Variants in DAB1 observed in about 807,000 individuals in gnomAD.
DAB1 encodes DAB adaptor protein 1, also known as disabled homolog 1.
In DAB1, 15 loss-of-function variants were observed where a neutral mutation model predicts 64.6. The observed-to-expected ratio is 0.23, with a 90% CI of 0.16 to 0.36. DAB1 has a LOEUF of 0.36. Ranked by LOEUF, DAB1 falls within the 10% of genes least tolerant of loss-of-function variation. The pLI is 1.00. For missense variants in DAB1, 596 were observed against 706.7 expected (o/e 0.84, Z 1.78); for synonymous variants, 235 against 251.9 (o/e 0.93, Z 0.64).
At chr1:57,053,225 G>A (rs1045736070) in intron 9 of DAB1, among the ~76,000 whole-genome samples, 3 of 152,026 alleles carry the variant, frequency 2.0e-5, no homozygotes, top group Non-Finnish European at 4.4e-5. Flanking sequence ...TTTCAATTTC[G>A]GAATCCATGT....
intron 4 of DAB1, among the ~76,000 whole-genome samples, chr1:58,300,616 G>A (rs865797957): frequency 0.018 from 783 of 43,762 alleles, 10 homozygotes; most frequent in Middle Eastern, 0.04. Context: ...AAGAAAGAGA[G>A]AGAGAGAGAG....
chr1:57,741,505 G>T (rs116051759), intron 6 of DAB1, among the ~76,000 whole-genome samples: 1 of 152,082 alleles, frequency 6.6e-6, no homozygotes, highest in African/African-American at 2.4e-5. Context: ...ATACCATACT[G>T]CCTCTCAAAG....
intron 5 of DAB1, among the ~76,000 whole-genome samples, chr1:58,093,488 A>G (rs1262294344): frequency 1.3e-5 from 2 of 151,904 alleles, no homozygotes; most frequent in Non-Finnish European, 1.5e-5. Context: ...CATGAACCCT[A>G]TTGTGAACTG....
rs138152451 is a variant in DAB1 at position 57,931,660 on chromosome 1, T to C, written n.388-47498A>G. Reference sequence around the variant, plus strand: ...CAGAATTCTTCCTAGTATTCTGTTGTTATCCTTTTAATGTCCATGGGATTC... The same window carrying C: ...CAGAATTCTTCCTAGTATTCTGTTGCTATCCTTTTAATGTCCATGGGATTC... On this transcript the variant is annotated intron_variant and non_coding_transcript_variant, in intron 5 of 20. Coordinates refer to the DAB1 transcript ENST00000485760. Among the ~76,000 whole-genome samples the C allele has an allele frequency of 1.9e-3, 285 of 152,322 alleles. 1 individual carries two copies. The highest frequency in any genetic ancestry group is 3.3e-3 in the Non-Finnish European group (227 of 68,018).
At chr1:57,802,144 C>A (rs747477083) in intron 6 of DAB1, among the ~76,000 whole-genome samples, 1 of 152,150 alleles carries the variant, frequency 6.6e-6, no homozygotes. Flanking sequence ...AACATTTATT[C>A]GGTCACACCC....
At chr1:58,323,120 T>C (rs1286496223) in intron 4 of DAB1, among the ~76,000 whole-genome samples, 1 of 151,906 alleles carries the variant, frequency 6.6e-6, no homozygotes, top group Non-Finnish European at 1.5e-5. Context: ...GGGATAGCAG[T>C]AGGAGAAATA....
intron 6 of DAB1, among the ~76,000 whole-genome samples, chr1:57,675,481 C>T (rs1279143392): frequency 6.6e-6 from 1 of 152,152 alleles, no homozygotes; most frequent in Non-Finnish European, 1.5e-5. Flanking sequence ...CACTCAACTC[C>T]AATTGCTTTG....
chr1:57,987,438 G>A (rs961657782), intron 5 of DAB1, among the ~76,000 whole-genome samples: 6 of 152,146 alleles, frequency 3.9e-5, no homozygotes, highest in Admixed American at 3.9e-4. Context: ...GAGCAAGCTG[G>A]GGCATAGGAA....
At chr1:58,160,684 A>C (rs987434864) in intron 4 of DAB1, among the ~76,000 whole-genome samples, 5 of 152,210 alleles carry the variant, frequency 3.3e-5, no homozygotes, top group South Asian at 2.1e-4. Flanking sequence ...GCTACAAAAA[A>C]AAGTTGTATC....
At chr1:57,087,740 C>T (rs186303995) in intron 4 of DAB1, among the ~76,000 whole-genome samples, 1 of 152,316 alleles carries the variant, frequency 6.6e-6, no homozygotes, top group East Asian at 1.9e-4. Flanking sequence ...TTAGCTGCCT[C>T]TGTTCTGTGC....
At chr1:57,105,988 C>T (rs1425846764) in intron 4 of DAB1, among the ~76,000 whole-genome samples, 1 of 152,084 alleles carries the variant, frequency 6.6e-6, no homozygotes. Flanking sequence ...TTGGGTGAGG[C>T]CAAGCAGATC....
At chr1:58,253,575 T>C (rs1171368178) in intron 4 of DAB1, among the ~76,000 whole-genome samples, 1 of 152,230 alleles carries the variant, frequency 6.6e-6, no homozygotes. Context: ...TGGGCTGCCC[T>C]TGACAGTTTA....
At chr1:57,252,970 G>A (rs1439350451) in intron 2 of DAB1, among the ~76,000 whole-genome samples, 1 of 152,204 alleles carries the variant, frequency 6.6e-6, no homozygotes. Context: ...GGGAGAAAGA[G>A]GCCAGCAGTC....
chr1:58,024,069 A>G (rs1279613354), intron 5 of DAB1, among the ~76,000 whole-genome samples: 1 of 152,236 alleles, frequency 6.6e-6, no homozygotes, highest in Non-Finnish European at 1.5e-5. Context: ...CAACACTCTC[A>G]GCTCTCTCGT....
At chr1:58,350,558 C>T (rs1316011718) in intron 3 of DAB1, among the ~76,000 whole-genome samples, 6 of 152,114 alleles carry the variant, frequency 3.9e-5, no homozygotes, top group Non-Finnish European at 8.8e-5. Flanking sequence ...AATGGTATTG[C>T]CTAGGTTTTC....
At chr1:57,023,740 C>A in intron 10 of DAB1, 101 bp from the exon 11 acceptor site, 1 of 750,516 alleles carries the variant, frequency 1.3e-6, no homozygotes. Flanking sequence ...GGGAAGGGGT[C>A]CACAGTTCAA....
chr1:57,317,088 A>G (rs1172780696), intron 1 of DAB1, among the ~76,000 whole-genome samples: 1 of 152,174 alleles, frequency 6.6e-6, no homozygotes, highest in African/African-American at 2.4e-5. Flanking sequence ...GATGGAAGCC[A>G]GCTGCCATAT....
chr1:57,620,536 C>A (rs1645844773), intron 7 of DAB1, among the ~76,000 whole-genome samples: 1 of 152,140 alleles, frequency 6.6e-6, no homozygotes, highest in Non-Finnish European at 1.5e-5. Context: ...GGGATAAACC[C>A]GCAGATACAA....
chr1:57,769,022 T>C (rs571729409), intron 6 of DAB1, among the ~76,000 whole-genome samples: 1 of 152,250 alleles, frequency 6.6e-6, no homozygotes, highest in East Asian at 1.9e-4. Flanking sequence ...CACTTTGCCC[T>C]TCACCCACCT....
Sources: allele counts gnomAD v4.1 joint callset (sites outside exome capture counted in the v4.1 genomes callset), GRCh38; gene constraint gnomAD v4.1.1; transcripts MANE v1.5; gene names NCBI Gene and HGNC (gene_info 2026-07-23, HGNC 2026-07-21).